ADAMTS12: variants seen among roughly 807,000 people sequenced by gnomAD.
ADAMTS12 encodes A disintegrin and metalloproteinase with thrombospondin motifs 12.
ADAMTS12 carries 118 observed loss-of-function variants against 167.8 expected under a neutral mutation model. That is an observed-to-expected ratio of 0.70 (90% CI 0.61 to 0.82). The LOEUF (loss-of-function observed/expected upper bound fraction) is 0.82. Ranked by LOEUF, ADAMTS12 falls within the 40% of genes least tolerant of loss-of-function variation. ADAMTS12 has a pLI of 0.00. For missense variants in ADAMTS12, 1,916 were observed against 1,998.8 expected (o/e 0.96, Z 0.79); for synonymous variants, 704 against 716.9 (o/e 0.98, Z 0.29).
chr5:33,757,411 A>G (rs1745204361), intron 2 of ADAMTS12, among the ~76,000 whole-genome samples: 1 of 152,238 alleles, frequency 6.6e-6, no homozygotes, highest in Non-Finnish European at 1.5e-5. Flanking sequence ...GAATGGGAAC[A>G]GATGTTTGTT....
intron 1 of ADAMTS12, among the ~76,000 whole-genome samples, chr5:33,889,228 T>C (rs890892130): frequency 6.6e-6 from 1 of 152,092 alleles, no homozygotes; most frequent in Admixed American, 6.6e-5. Context: ...GTGGGAGAAT[T>C]GCTTAAGGCC....
In ADAMTS12 at chr5:33,579,988, C is replaced by A. The variant is rs546046781; in HGVS notation, c.2866-2828G>T. 1.0e-3 allele frequency among the ~76,000 whole-genome samples: 150 copies of A among 148,318 alleles called. 1 individual carries two copies. The highest frequency in any genetic ancestry group is 3.4e-3 in the African/African-American group (137 of 40,220). Reference sequence around the variant, plus strand: ...TGAGGTAGGTGCAGGCACATGTCTACAAGATACTGTGGAGATCCACACACC... The same window carrying A: ...TGAGGTAGGTGCAGGCACATGTCTAAAAGATACTGTGGAGATCCACACACC... On this transcript the variant is annotated intron_variant, in intron 18 of 23. Coordinates refer to ENST00000504830, the MANE Select transcript of ADAMTS12 (RefSeq NM_030955.4).
intron 3 of ADAMTS12, among the ~76,000 whole-genome samples, chr5:33,720,179 G>C (rs913458770): frequency 6.6e-6 from 1 of 151,928 alleles, no homozygotes; most frequent in Non-Finnish European, 1.5e-5. Context: ...ATGGGGTTAA[G>C]AGAAATTTAT....
At chr5:33,645,256 A>G (rs369982123) in intron 9 of ADAMTS12, among the ~76,000 whole-genome samples, 63 of 152,004 alleles carry the variant, frequency 4.1e-4, no homozygotes, top group African/African-American at 1.5e-3. Flanking sequence ...GCCTGTAGTA[A>G]AGAATTTCCA....
At chr5:33,633,931 T>A (rs1740075102) in intron 12 of ADAMTS12, among the ~76,000 whole-genome samples, 1 of 152,126 alleles carries the variant, frequency 6.6e-6, no homozygotes, top group Non-Finnish European at 1.5e-5. Context: ...CATTTATAAT[T>A]CACCTAAGCA....
intron 16 of ADAMTS12, among the ~76,000 whole-genome samples, chr5:33,611,823 G>A (rs1282605702): frequency 6.6e-6 from 1 of 152,164 alleles, no homozygotes; most frequent in Non-Finnish European, 1.5e-5. Flanking sequence ...GTGAAAATAT[G>A]TGTGTAATGT....
chr5:33,823,112 GA>G (rs1279836843), intron 2 of ADAMTS12, among the ~76,000 whole-genome samples: 3 of 146,654 alleles, frequency 2.0e-5, no homozygotes, highest in Middle Eastern at 3.5e-3. Context: ...AAAAAAGAAA[GA>G]AAAAGAAAAG....
At chr5:33,741,319 G>T (rs1744569517) in intron 3 of ADAMTS12, among the ~76,000 whole-genome samples, 2 of 152,152 alleles carry the variant, frequency 1.3e-5, no homozygotes, top group African/African-American at 2.4e-5. Context: ...TTTCTCCTGA[G>T]GCCTCTCTCC....
At chr5:33,766,286 T>C (rs761183693) in intron 2 of ADAMTS12, among the ~76,000 whole-genome samples, 1 of 152,174 alleles carries the variant, frequency 6.6e-6, no homozygotes, top group Non-Finnish European at 1.5e-5. Context: ...CAGAGTGGCA[T>C]GTTATCTCTG....
In ADAMTS12 at chr5:33,592,291, A is replaced by C. The variant is rs538291987; in HGVS notation, c.2655-3482T>G. Among the ~76,000 whole-genome samples, 14 of 152,196 alleles carry C rather than the reference A, an allele frequency of 9.2e-5. No individual in the cohort carries two copies. In the South Asian group the frequency reaches 1.9e-3, roughly 20 times the overall value. On this transcript the variant is annotated intron_variant, in intron 17 of 23. Coordinates refer to ENST00000504830, the MANE Select transcript of ADAMTS12 (RefSeq NM_030955.4). The stretch of plus-strand genomic sequence containing the variant: ...CAAAAAACAAAACAAAACAAAAAAA[A>C]CTATCCAGCCCAAAGCAGCAATAGC...
At chr5:33,615,557 C>A (rs960159585) in intron 15 of ADAMTS12, among the ~76,000 whole-genome samples, 2 of 152,176 alleles carry the variant, frequency 1.3e-5, no homozygotes, top group Non-Finnish European at 2.9e-5. Flanking sequence ...ACTTCAGGAA[C>A]AATCACCCTC....
chr5:33,609,627 A>G (rs1738625366), intron 16 of ADAMTS12, among the ~76,000 whole-genome samples: 1 of 152,150 alleles, frequency 6.6e-6, no homozygotes, highest in African/African-American at 2.4e-5. Context: ...CCTGCCTCAC[A>G]AAGTGTAATA....
chr5:33,836,629 G>A (rs1331594425), intron 2 of ADAMTS12, among the ~76,000 whole-genome samples: 1 of 152,050 alleles, frequency 6.6e-6, no homozygotes, highest in East Asian at 1.9e-4. Context: ...GGGTGGGAAG[G>A]AAATAGTAAA....
intron 16 of ADAMTS12, 106 bp from the exon 17 acceptor site, chr5:33,596,166 G>C (rs1420386726): frequency 1.1e-5 from 16 of 1,424,414 alleles, no homozygotes; most frequent in Non-Finnish European, 1.5e-5. Flanking sequence ...CGGCTGATGG[G>C]AAAGTTGTTC....
chr5:33,863,148 T>A (rs1367830310), intron 2 of ADAMTS12, among the ~76,000 whole-genome samples: 2 of 152,168 alleles, frequency 1.3e-5, no homozygotes, highest in East Asian at 3.8e-4. Flanking sequence ...AAGGATGCCC[T>A]CTCTCACCAC....
chr5:33,835,906 CA>C (rs1295021819), intron 2 of ADAMTS12, among the ~76,000 whole-genome samples: 9 of 113,294 alleles, frequency 7.9e-5, no homozygotes, highest in African/African-American at 3.5e-4. Context: ...GGATAATATC[CA>C]TCTCTCTCTC....
intron 18 of ADAMTS12, 105 bp from the exon 19 acceptor site, chr5:33,577,265 A>G (rs1273186187): frequency 6.6e-7 from 1 of 1,514,366 alleles, no homozygotes; most frequent in African/African-American, 1.4e-5. Context: ...TAAACTATGC[A>G]GCTAAAATTG....
chr5:33,736,525 C>A (rs1744381571), intron 3 of ADAMTS12, among the ~76,000 whole-genome samples: 1 of 152,158 alleles, frequency 6.6e-6, no homozygotes, highest in African/African-American at 2.4e-5. Context: ...CTGAAGGCAT[C>A]CACTTTCATC....
intron 2 of ADAMTS12, among the ~76,000 whole-genome samples, chr5:33,880,060 TC>T (rs1750372668): frequency 6.6e-6 from 1 of 152,146 alleles, no homozygotes; most frequent in South Asian, 2.1e-4. Context: ...TCAAAAAATC[TC>T]AACAGAATTC....
Sources: allele counts gnomAD v4.1 joint callset (sites outside exome capture counted in the v4.1 genomes callset), GRCh38; gene constraint gnomAD v4.1.1; transcripts MANE v1.5; gene names NCBI Gene and HGNC (gene_info 2026-07-23, HGNC 2026-07-21).